The following PPFIA2 variants were observed in gnomAD, a reference collection of about 807,000 sequenced individuals.
PPFIA2 encodes the protein liprin-alpha-2.
A neutral mutation model predicts 175.5 loss-of-function variants in PPFIA2; 46 were observed. The observed-to-expected ratio is 0.26, with a 90% CI of 0.21 to 0.34. The LOEUF (loss-of-function observed/expected upper bound fraction) is 0.34. Among genes scored for constraint, PPFIA2 ranks in the 10% least tolerant of loss-of-function variants. PPFIA2 has a pLI of 1.00. For synonymous variants in PPFIA2, 568 were observed against 511.4 expected, an observed-to-expected ratio of 1.11 and a Z score of -1.49; for missense variants, 1,179 against 1,506.1, an observed-to-expected ratio of 0.78 and a Z score of 3.60.
intron 11 of PPFIA2, among the ~76,000 whole-genome samples, chr12:81,370,839 T>A (rs2141536058): frequency 6.6e-6 from 1 of 152,028 alleles, no homozygotes; most frequent in Non-Finnish European, 1.5e-5. Context: ...TTTAAAGGAC[T>A]CTATGTCAGG....
rs550030565 is a variant in PPFIA2, at chr12:81,559,432, A to G, written c.304-101566T>C. Among the ~76,000 whole-genome samples, 66 of 152,336 alleles carry G rather than the reference A, an allele frequency of 4.3e-4. 1 individual carries two copies. The highest frequency in any genetic ancestry group is 7.6e-4 in the Non-Finnish European group (52 of 68,028). ...TGTTATGGGTCCTTCAAAGGACTCAAATTTTATTTTGTTGTATTCTATTGG... is the reference window on the plus strand; with the variant it reads ...TGTTATGGGTCCTTCAAAGGACTCAGATTTTATTTTGTTGTATTCTATTGG... On this transcript the variant is annotated intron_variant, in intron 4 of 32. Transcript: ENST00000549396.
intron 4 of PPFIA2, among the ~76,000 whole-genome samples, chr12:81,577,007 A>G (rs2073667346): frequency 6.6e-6 from 1 of 151,838 alleles, no homozygotes; most frequent in Non-Finnish European, 1.5e-5. Context: ...AAATTAATTG[A>G]GCTGTAGAGA....
intron 22 of PPFIA2, among the ~76,000 whole-genome samples, chr12:81,307,234 T>C (rs554800724): frequency 1.3e-5 from 2 of 152,290 alleles, no homozygotes; most frequent in Non-Finnish European, 2.9e-5. Context: ...GTTACCACCA[T>C]GTGCCCGCAG....
chr12:81,701,277 A>T (rs945424036), intron 3 of PPFIA2, among the ~76,000 whole-genome samples: 2 of 152,178 alleles, frequency 1.3e-5, no homozygotes, highest in South Asian at 4.1e-4. Flanking sequence ...TAGCTGCTGT[A>T]ACTGCTGCTA....
chr12:81,324,245 T>C (rs866938485), intron 22 of PPFIA2, among the ~76,000 whole-genome samples: 3 of 152,086 alleles, frequency 2.0e-5, no homozygotes, highest in Admixed American at 2.0e-4. Context: ...ATAAGGTTAA[T>C]GATAGCTAAA....
At chr12:81,560,480 G>C (rs1365298410) in intron 4 of PPFIA2, among the ~76,000 whole-genome samples, 5 of 152,032 alleles carry the variant, frequency 3.3e-5, no homozygotes, top group Admixed American at 3.3e-4. Flanking sequence ...AAAAGAACTA[G>C]GAGAATTCAT....
At chr12:81,648,408 A>T (rs2066492712) in intron 4 of PPFIA2, among the ~76,000 whole-genome samples, 2 of 152,032 alleles carry the variant, frequency 1.3e-5, no homozygotes. Flanking sequence ...ATACAAAGTT[A>T]ATATAAAAAA....
chr12:81,416,639 T>G (rs773332412), intron 7 of PPFIA2, among the ~76,000 whole-genome samples: 1 of 151,650 alleles, frequency 6.6e-6, no homozygotes, highest in Non-Finnish European at 1.5e-5. Flanking sequence ...AAGTACTTCT[T>G]TGTACAGAAT....
intron 22 of PPFIA2, among the ~76,000 whole-genome samples, chr12:81,303,661 A>G (rs1430952263): frequency 6.6e-6 from 1 of 152,138 alleles, no homozygotes; most frequent in Non-Finnish European, 1.5e-5. Context: ...TGTGGTGAGC[A>G]CTCAGGTCTG....
intron 8 of PPFIA2, among the ~76,000 whole-genome samples, chr12:81,388,905 G>A (rs965277907): frequency 5.3e-5 from 8 of 151,054 alleles, no homozygotes; most frequent in South Asian, 2.1e-4. Flanking sequence ...TATATATGAC[G>A]CATGGTATAG....
intron 4 of PPFIA2, among the ~76,000 whole-genome samples, chr12:81,600,139 C>T (rs1048259815): frequency 6.6e-6 from 1 of 151,858 alleles, no homozygotes; most frequent in African/African-American, 2.4e-5. Flanking sequence ...TTAAGCTTGG[C>T]CCCTTGGAAG....
intron 3 of PPFIA2, among the ~76,000 whole-genome samples, chr12:81,717,582 C>T (rs1437674429): frequency 6.6e-6 from 1 of 151,624 alleles, no homozygotes; most frequent in Admixed American, 6.6e-5. Context: ...CTCAAATAAA[C>T]CAGTGTGCTG....
At chr12:81,359,432 T>C (rs1047117195) in intron 15 of PPFIA2, among the ~76,000 whole-genome samples, 1 of 151,712 alleles carries the variant, frequency 6.6e-6, no homozygotes, top group Non-Finnish European at 1.5e-5. Context: ...GGTTTTATCA[T>C]GGATAAGTTA....
chr12:81,412,138 A>C (rs1036592059), intron 7 of PPFIA2, among the ~76,000 whole-genome samples: 10 of 151,926 alleles, frequency 6.6e-5, no homozygotes, highest in African/African-American at 2.4e-4. Context: ...TCATGAAAAA[A>C]ATGATTTGGG....
At chr12:81,427,020 G>A (rs1026375680) in intron 7 of PPFIA2, among the ~76,000 whole-genome samples, 1 of 151,964 alleles carries the variant, frequency 6.6e-6, no homozygotes, top group Admixed American at 6.6e-5. Flanking sequence ...CATTTTTAAA[G>A]GTAGTTTAAT....
At chr12:81,623,512 T>G (rs2062317911) in intron 4 of PPFIA2, among the ~76,000 whole-genome samples, 1 of 152,038 alleles carries the variant, frequency 6.6e-6, no homozygotes, top group Non-Finnish European at 1.5e-5. Flanking sequence ...ATCACTAGTT[T>G]ACAAATATAA....
chr12:81,590,651 C>T (rs1386074402), intron 4 of PPFIA2, among the ~76,000 whole-genome samples: 1 of 151,946 alleles, frequency 6.6e-6, no homozygotes, highest in Non-Finnish European at 1.5e-5. Flanking sequence ...CTGTGCTGTT[C>T]TCATGATAGT....
intron 4 of PPFIA2, among the ~76,000 whole-genome samples, chr12:81,564,234 C>T (rs1409869401): frequency 6.6e-6 from 1 of 152,106 alleles, no homozygotes; most frequent in Admixed American, 6.6e-5. Flanking sequence ...ACTTCAAAAG[C>T]AGAGCATTTG....
chr12:81,284,528 A>T, intron 24 of PPFIA2: 2 of 521,984 alleles, frequency 3.8e-6, no homozygotes, highest in Non-Finnish European at 6.9e-6. Flanking sequence ...GCTCTTGGGG[A>T]TGTAGATTTA....
Sources: gnomAD v4.1 joint callset for allele counts (sites outside exome capture counted in the v4.1 genomes callset) on GRCh38, gnomAD v4.1.1 for gene constraint, MANE v1.5 for transcripts, NCBI Gene and HGNC (gene_info 2026-07-23, HGNC 2026-07-21) for gene names.